Variants in ZNF500 observed in about 807,000 individuals in gnomAD.
The protein encoded by ZNF500 is zinc finger protein 500.
In ZNF500, 31 loss-of-function variants were observed where a neutral mutation model predicts 30.1. That is an observed-to-expected ratio of 1.03 (90% CI 0.77 to 1.39). The LOEUF (loss-of-function observed/expected upper bound fraction) is 1.39. ZNF500 is among the 40% of genes most tolerant of loss of function. The pLI is 0.00. For missense variants in ZNF500, 817 were observed against 657.8 expected (o/e 1.24, Z -2.65); for synonymous variants, 392 against 282.0 (o/e 1.39, Z -3.91).
intron 2 of ZNF500, chr16:4,764,104 G>A: frequency 1.9e-5 from 19 of 985,398 alleles, no homozygotes; most frequent in Non-Finnish European, 2.2e-5. Flanking sequence ...AGGTGGAGAG[G>A]CACTGTCTAT....
rs536274404 is a variant in ZNF500, at chr16:4,755,419, C to T, written c.761-2361G>A. On this transcript the variant is annotated intron_variant, in intron 5 of 5. Coordinates refer to ENST00000219478, the MANE Select transcript of ZNF500 (RefSeq NM_021646.4). ...GTAACCTCTGCCTCCCAGGTTCAAGCGATTCTCCTACCTCAGGCTCCCGAG... is the reference window on the plus strand; with the variant it reads ...GTAACCTCTGCCTCCCAGGTTCAAGTGATTCTCCTACCTCAGGCTCCCGAG... Among the ~76,000 whole-genome samples, 4 of 152,242 alleles carry T rather than the reference C, an allele frequency of 2.6e-5. No individual in the cohort carries two copies. In the East Asian group the frequency reaches 5.8e-4, roughly 22 times the overall value.
downstream of ZNF500, chr16:4,747,552 C>T (rs911097402): frequency 4.3e-6 from 7 of 1,612,342 alleles, no homozygotes; most frequent in African/African-American, 8.0e-5. Flanking sequence ...AGAGGCAGGC[C>T]CAGAGCCCTG....
chr16:4,759,334 G>A (rs112874065), intron 5 of ZNF500, among the ~76,000 whole-genome samples: 2,112 of 147,342 alleles, frequency 0.014, 46 homozygotes, highest in African/African-American at 0.049. Flanking sequence ...ACAGCATGGC[G>A]GCTCCTCAAA....
rs1005865686 is a variant in ZNF500, at chr16:4,752,273, G to A, written c.*103C>T. The A allele has an allele frequency of 1.4e-6, 2 of 1,429,974 alleles. No individual in the cohort carries two copies. Among genetic ancestry groups the A allele is most frequent in the Non-Finnish European group, 1.8e-6 (2 of 1,097,432 alleles). The allele number at this position is 1,429,974 out of a possible 1,614,324, so 88.6% of individuals were successfully genotyped here. ...CTGGCCTCATACTGGGCCATGGGAGGAAACGGGCAGCTGGCAATGCTTTCG... is the reference window on the plus strand; with the variant it reads ...CTGGCCTCATACTGGGCCATGGGAGAAAACGGGCAGCTGGCAATGCTTTCG... On this transcript the variant is annotated 3_prime_UTR_variant, in exon 6 of 6. Coordinates refer to ENST00000219478, the MANE Select transcript of ZNF500 (RefSeq NM_021646.4).
At chr16:4,755,145 G>A (rs1361373111) in intron 5 of ZNF500, among the ~76,000 whole-genome samples, 1 of 152,098 alleles carries the variant, frequency 6.6e-6, no homozygotes, top group Non-Finnish European at 1.5e-5. Flanking sequence ...CCAGGTCTCA[G>A]GTATTTCTTT....
At chr16:4,757,902 ATT>A (rs112830341) in intron 5 of ZNF500, among the ~76,000 whole-genome samples, 10 of 133,312 alleles carry the variant, frequency 7.5e-5, no homozygotes, top group Admixed American at 1.6e-4. Flanking sequence ...GCGCCAGCCA[ATT>A]TTTTTTTTTT....
downstream of ZNF500, chr16:4,746,378 T>C (rs145336280): frequency 6.1e-5 from 99 of 1,610,962 alleles, no homozygotes; most frequent in African/African-American, 1.2e-3. Context: ...ATTTCAGATG[T>C]GCCTCAAGGA....
intron 5 of ZNF500, 47 bp downstream of exon 5, chr16:4,760,445 C>T: frequency 6.3e-7 from 1 of 1,575,284 alleles, no homozygotes; most frequent in Non-Finnish European, 8.7e-7. Context: ...CCTGACAGTT[C>T]CTATTTTTGG....
At chr16:4,764,131 C>A in intron 2 of ZNF500, 1 of 981,186 alleles carries the variant, frequency 1.0e-6, no homozygotes, top group East Asian at 1.1e-4. Context: ...TTCGGTGTGT[C>A]AGAAGGGTCC....
chr16:4,766,652 G>C (rs1430476522), intron 1 of ZNF500, among the ~76,000 whole-genome samples: 2 of 152,172 alleles, frequency 1.3e-5, no homozygotes, highest in African/African-American at 2.4e-5. Flanking sequence ...TGCGGTCAGA[G>C]CTCGAGAATC....
chr16:4,757,248 A>ACC (rs948965175), intron 5 of ZNF500, among the ~76,000 whole-genome samples: 16 of 152,258 alleles, frequency 1.1e-4, no homozygotes, highest in African/African-American at 3.8e-4. Context: ...GTGGAAGGGG[A>ACC]CCCGAACGGG....
intron 5 of ZNF500, 90 bp downstream of exon 5, chr16:4,760,402 C>A: frequency 3.9e-6 from 5 of 1,284,904 alleles, no homozygotes; most frequent in Non-Finnish European, 5.5e-6. Flanking sequence ...CCCAGGCCAA[C>A]TGGACCAACA....
At position 4,750,008 on chromosome 16, in the gene ZNF500, T is replaced by C. The variant is rs12162062; in HGVS notation, c.*2368A>G. On this transcript the variant is annotated 3_prime_UTR_variant, in exon 6 of 6. Coordinates refer to ENST00000219478, the MANE Select transcript of ZNF500 (RefSeq NM_021646.4). ...TGAGATGGGGCCAAGCAGCAGCCAG[T>C]GGGAGGCCACAGCCTCGGCAGGGGG... 0.62 allele frequency: 93,955 copies of C among 152,660 alleles called. 29,266 individuals carry two copies. The highest frequency in any genetic ancestry group is 0.68 in the East Asian group (3,523 of 5,170). 9.5% of individuals were successfully genotyped at this position (152,660 alleles called of 1,614,324 possible). A position where few individuals can be genotyped will look rare whatever the true frequency, so the allele number is the denominator to read the frequency against.
At chr16:4,762,785 G>A in intron 2 of ZNF500, 29 bp from the exon 3 acceptor site, 1 of 1,550,040 alleles carries the variant, frequency 6.5e-7, no homozygotes, top group Non-Finnish European at 8.7e-7. Context: ...CTCCCCACCA[G>A]CTCCCAGAAG....
chr16:4,766,390 G>A (rs929165500), intron 1 of ZNF500, among the ~76,000 whole-genome samples: 2 of 152,224 alleles, frequency 1.3e-5, no homozygotes, highest in African/African-American at 4.8e-5. Flanking sequence ...TTGGGAGGCA[G>A]AGGAGGGCAG....
rs1017238716 is a variant in ZNF500, at chr16:4,752,034, G to A, written c.*342C>T. 19 of 1,255,022 alleles carry A rather than the reference G, an allele frequency of 1.5e-5. No individual in the cohort carries two copies. The highest frequency in any genetic ancestry group is 1.8e-5 in the Non-Finnish European group (18 of 992,042). 77.7% of individuals were successfully genotyped at this position (1,255,022 alleles called of 1,614,324 possible). On this transcript the variant is annotated 3_prime_UTR_variant, in exon 6 of 6. Coordinates refer to ENST00000219478, the MANE Select transcript of ZNF500 (RefSeq NM_021646.4). ...ATGCCAGCAGCCACTGGATGCTGGAGGCAGCTGATGGACCCTCCCAGGCCC... is the reference window on the plus strand; with the variant it reads ...ATGCCAGCAGCCACTGGATGCTGGAAGCAGCTGATGGACCCTCCCAGGCCC...
chr16:4,744,971 G>A (rs759601408), downstream of ZNF500: 15 of 1,613,880 alleles, frequency 9.3e-6, no homozygotes, highest in East Asian at 2.2e-5. Context: ...GGTGCCTGCC[G>A]ACACTCCCCA....
At chr16:4,746,780 C>T (rs757464800), downstream of ZNF500, 2 of 811,802 alleles carry the variant, frequency 2.5e-6, no homozygotes, top group South Asian at 1.9e-5. Flanking sequence ...CTGTCCTCAC[C>T]TCCTGGCAGG....
At position 4,765,812 on chromosome 16, in the gene ZNF500, A is replaced by T; in HGVS notation, c.167T>A (p.Phe56Tyr). Reference protein sequence around the residue: ...PETFRQLFRLFCYQEVAGPRE... With the variant: ...PETFRQLFRLYCYQEVAGPRE... ...GGGCCCAGCCACCTCCTGGTAGCAG[A>T]AGAGCCGGAAGAGCTGGCGGAAAGT... Residue 56 changes from phenylalanine to tyrosine, a missense_variant, in exon 2 of 6, where the codon TTC (phenylalanine) becomes TAC (tyrosine). Phe to Tyr is a conservative substitution (Grantham distance 22, BLOSUM62 3). Transcript: ENST00000219478. 1.2e-6 allele frequency: 2 copies of T among 1,613,454 alleles called. No individual in the cohort carries two copies. The highest frequency in any genetic ancestry group is 1.7e-6 in the Non-Finnish European group (2 of 1,179,940).
Sources: gnomAD v4.1 joint callset for allele counts (sites outside exome capture counted in the v4.1 genomes callset) on GRCh38, gnomAD v4.1.1 for gene constraint, MANE v1.5 for transcripts, NCBI Gene and HGNC (gene_info 2026-07-23, HGNC 2026-07-21) for gene names.